Variants in SNAP25 observed in about 807,000 individuals in gnomAD.
SNAP25 encodes the protein synaptosome associated protein 25.
A neutral mutation model predicts 28.7 loss-of-function variants in SNAP25; 3 were observed. The ratio of observed to expected loss-of-function variants is 0.10; its 90% CI spans 0.05 to 0.27. SNAP25 has a LOEUF of 0.27. SNAP25 is among the 10% of genes least tolerant of loss of function. The pLI is 1.00. For missense variants in SNAP25, 117 were observed against 278.7 expected, an observed-to-expected ratio of 0.42 and a Z score of 4.13; for synonymous variants, 61 against 88.1, an observed-to-expected ratio of 0.69 and a Z score of 1.72.
intron 1 of SNAP25, among the ~76,000 whole-genome samples, chr20:10,244,042 A>G (rs569701870): frequency 2.0e-5 from 3 of 152,298 alleles, no homozygotes; most frequent in African/African-American, 7.2e-5. Flanking sequence ...TGGGTAAGTT[A>G]TTTAGTTTTG....
intron 1 of SNAP25, among the ~76,000 whole-genome samples, chr20:10,249,840 G>A (rs2063194649): frequency 6.6e-6 from 1 of 152,180 alleles, no homozygotes; most frequent in South Asian, 2.1e-4. Flanking sequence ...AAGGAGAACA[G>A]CTAACCCTCT....
intron 7 of SNAP25, among the ~76,000 whole-genome samples, chr20:10,300,428 A>G (rs1166017169): frequency 6.6e-6 from 1 of 152,224 alleles, no homozygotes; most frequent in Non-Finnish European, 1.5e-5. Context: ...ATAATTGTAC[A>G]TCTATAATCT....
At chr20:10,229,250 G>A (rs1044614130) in intron 1 of SNAP25, among the ~76,000 whole-genome samples, 3 of 152,062 alleles carry the variant, frequency 2.0e-5, no homozygotes, top group Non-Finnish European at 4.4e-5. Flanking sequence ...TCAGCTTTGT[G>A]TTAAGGATTT....
chr20:10,232,042 C>T (rs377675744), intron 1 of SNAP25, among the ~76,000 whole-genome samples: 1 of 152,174 alleles, frequency 6.6e-6, no homozygotes, highest in Non-Finnish European at 1.5e-5. Flanking sequence ...AAAGCAGAGA[C>T]GTAGCTGGAA....
intron 7 of SNAP25, 109 bp downstream of exon 7, chr20:10,299,521 C>A: frequency 1.9e-6 from 2 of 1,072,788 alleles, no homozygotes; most frequent in Non-Finnish European, 2.6e-6. Flanking sequence ...TGGATTCAGG[C>A]GCACTGATAG....
rs1600736791 is a variant in SNAP25 at position 10,277,106 on chromosome 20, C to A, written c.73-579C>A. Among the ~76,000 whole-genome samples the A allele has an allele frequency of 2.6e-5, 4 of 152,300 alleles. No homozygotes were observed. In the Middle Eastern group the frequency reaches 0.014, roughly 518 times the overall value. On this transcript the variant is annotated intron_variant, in intron 2 of 7. Coordinates refer to ENST00000254976, the MANE Select transcript of SNAP25 (RefSeq NM_130811.4). ...GGGACCATTGCAGAGCTCAGCCTTTCCGTCTCGTTTTTTCTTATCTAAGGA... is the reference window on the plus strand; with the variant it reads ...GGGACCATTGCAGAGCTCAGCCTTTACGTCTCGTTTTTTCTTATCTAAGGA...
At chr20:10,229,746 A>G (rs2062795218) in intron 1 of SNAP25, among the ~76,000 whole-genome samples, 1 of 152,122 alleles carries the variant, frequency 6.6e-6, no homozygotes, top group Non-Finnish European at 1.5e-5. Context: ...TATACTTCAC[A>G]CTTGACTAAG....
chr20:10,247,958 C>T (rs558158057), intron 1 of SNAP25, among the ~76,000 whole-genome samples: 3 of 152,280 alleles, frequency 2.0e-5, no homozygotes, highest in Non-Finnish European at 2.9e-5. Context: ...CTGGAGGGCT[C>T]GTTGGTTTAG....
At chr20:10,296,724 T>G (rs762272107) in intron 5 of SNAP25, 1 of 630,252 alleles carries the variant, frequency 1.6e-6, no homozygotes, top group Non-Finnish European at 2.6e-6. Flanking sequence ...TGCAATGGAT[T>G]CGATTGGAAG....
At chr20:10,224,015 AC>A (rs1282729378) in intron 1 of SNAP25, among the ~76,000 whole-genome samples, 1 of 152,180 alleles carries the variant, frequency 6.6e-6, no homozygotes, top group Non-Finnish European at 1.5e-5. Flanking sequence ...AAAAGTGTTT[AC>A]CTATACTGGC....
At chr20:10,247,517 A>G (rs1192564139) in intron 1 of SNAP25, among the ~76,000 whole-genome samples, 1 of 152,338 alleles carries the variant, frequency 6.6e-6, no homozygotes, top group Non-Finnish European at 1.5e-5. Flanking sequence ...CTGAGATGCC[A>G]TGTGAAAAAT....
intron 1 of SNAP25, among the ~76,000 whole-genome samples, chr20:10,255,371 T>C (rs2063302251): frequency 6.6e-6 from 1 of 152,176 alleles, no homozygotes; most frequent in South Asian, 2.1e-4. Context: ...GGCAAATAAC[T>C]CTTTGAGCTA....
intron 4 of SNAP25, among the ~76,000 whole-genome samples, chr20:10,290,931 C>G (rs577566841): frequency 1.3e-5 from 2 of 152,040 alleles, no homozygotes; most frequent in African/African-American, 4.8e-5. Flanking sequence ...ACACCAGTCC[C>G]TCCACTTGAA....
chr20:10,289,363 T>G (rs1256703101), intron 4 of SNAP25, among the ~76,000 whole-genome samples: 2 of 152,186 alleles, frequency 1.3e-5, no homozygotes, highest in African/African-American at 4.8e-5. Flanking sequence ...GTTGTATGTC[T>G]GTTTTGATGC....
chr20:10,292,741 G>A, intron 4 of SNAP25: 1 of 614,636 alleles, frequency 1.6e-6, no homozygotes, highest in Non-Finnish European at 2.9e-6. Context: ...GGCAGCGGTA[G>A]CAGTCTTCAA....
At chr20:10,247,387 A>T (rs1394235088) in intron 1 of SNAP25, among the ~76,000 whole-genome samples, 1 of 152,186 alleles carries the variant, frequency 6.6e-6, no homozygotes, top group Non-Finnish European at 1.5e-5. Context: ...CACCAGTGAC[A>T]TTCTTCCTGT....
At chr20:10,274,118 G>C (rs145770181) in intron 1 of SNAP25, among the ~76,000 whole-genome samples, 1 of 152,250 alleles carries the variant, frequency 6.6e-6, no homozygotes, top group East Asian at 1.9e-4. Context: ...GCATATTACA[G>C]GTGCTCAATA....
At chr20:10,275,585 A>G (rs758079713) in intron 2 of SNAP25, 22 bp downstream of exon 2, 51 of 1,575,352 alleles carry the variant, frequency 3.2e-5, no homozygotes, top group Non-Finnish European at 8.6e-7. Context: ...AGACCTAGGA[A>G]GGGAGGCAAA....
intron 1 of SNAP25, among the ~76,000 whole-genome samples, chr20:10,257,732 A>G (rs776830595): frequency 2.7e-5 from 4 of 150,906 alleles, no homozygotes; most frequent in South Asian, 2.1e-4. Flanking sequence ...CAAAACAAAA[A>G]AATTAGCCAG....
Sources: gnomAD v4.1 joint callset for allele counts (sites outside exome capture counted in the v4.1 genomes callset) on GRCh38, gnomAD v4.1.1 for gene constraint, MANE v1.5 for transcripts, NCBI Gene and HGNC (gene_info 2026-07-23, HGNC 2026-07-21) for gene names.